The following TUSC3 variants were observed in gnomAD, a reference collection of about 807,000 sequenced individuals.
TUSC3 encodes the protein tumor suppressor candidate 3.
In TUSC3, 45 loss-of-function variants were observed where a neutral mutation model predicts 44.8. The observed-to-expected ratio is 1.00, with a 90% CI of 0.79 to 1.29. TUSC3 has a LOEUF of 1.29. TUSC3 is among the 50% of genes most tolerant of loss of function. The pLI is 0.00. For missense variants in TUSC3, 519 were observed against 437.9 expected (o/e 1.19, Z -1.65); for synonymous variants, 212 against 152.9 (o/e 1.39, Z -2.85).
At chr8:15,477,100 C>A in intron 1 of TUSC3, among the ~76,000 whole-genome samples, 1 of 152,158 alleles carries the variant, frequency 6.6e-6, no homozygotes, top group East Asian at 1.9e-4. Context: ...AAGTAGTCTT[C>A]AGTCCTTTTG....
chr8:15,550,890 T>G (rs1166061723), intron 1 of TUSC3, among the ~76,000 whole-genome samples: 2 of 151,744 alleles, frequency 1.3e-5, no homozygotes, highest in African/African-American at 4.8e-5. Context: ...CATGCTGGCC[T>G]TAAATTCCTA....
At chr8:15,447,998 T>C (rs1278069011) in intron 1 of TUSC3, among the ~76,000 whole-genome samples, 3 of 151,034 alleles carry the variant, frequency 2.0e-5, no homozygotes, top group African/African-American at 4.9e-5. Context: ...ACACTAGCAA[T>C]ATTTTAAGTA....
chr8:15,807,702 G>A, the TUSC3 span, among the ~76,000 whole-genome samples: 1 of 152,170 alleles, frequency 6.6e-6, no homozygotes, highest in Non-Finnish European at 1.5e-5. Flanking sequence ...ACAAAAGCAT[G>A]TCCTTTGCAG....
chr8:15,812,877 C>CTT, the TUSC3 span, among the ~76,000 whole-genome samples: 1 of 152,084 alleles, frequency 6.6e-6, no homozygotes, highest in East Asian at 1.9e-4. Flanking sequence ...GGGCAGATCA[C>CTT]AAGGTCAAGA....
intron 2 of TUSC3, among the ~76,000 whole-genome samples, chr8:15,504,644 A>G (rs1181657678): frequency 2.7e-5 from 1 of 37,418 alleles, no homozygotes; most frequent in East Asian, 7.7e-4. Context: ...TTTTTTTTTA[A>G]GTGGGTTTTT....
intron 2 of TUSC3, among the ~76,000 whole-genome samples, chr8:15,525,486 C>T (rs755558747): frequency 2.0e-5 from 3 of 152,162 alleles, no homozygotes; most frequent in South Asian, 2.1e-4. Context: ...CTTCAATGTT[C>T]TCAGTTTTAA....
In TUSC3 at chr8:15,423,082, TGTTAAAA is replaced by T. The variant is rs997373140; in HGVS notation, n.91+5781_91+5787del. On this transcript the variant is annotated intron_variant and non_coding_transcript_variant, in intron 1 of 5. Coordinates refer to the TUSC3 transcript ENST00000503191. Reference sequence around the variant, plus strand: ...TTTCTATCAAAACATGAGGTGGAAATGTTAAAAGTTTTTTTTAAGAAAAAAGTGTTTC... The same window carrying T: ...TTTCTATCAAAACATGAGGTGGAAATGTTTTTTTTAAGAAAAAAGTGTTTC... Among the ~76,000 whole-genome samples, 17 of 152,160 alleles carry T rather than the reference TGTTAAAA, an allele frequency of 1.1e-4. 1 individual carries two copies. Among genetic ancestry groups the T allele is most frequent in the African/African-American group, 3.9e-4 (16 of 41,432 alleles).
intron 1 of TUSC3, among the ~76,000 whole-genome samples, chr8:15,540,960 C>A (rs1015723962): frequency 4.6e-5 from 7 of 152,178 alleles, no homozygotes; most frequent in Admixed American, 3.3e-4. Flanking sequence ...ACTCTGCTCC[C>A]TTCATTACCC....
intron 1 of TUSC3, among the ~76,000 whole-genome samples, chr8:15,565,370 T>A: frequency 6.6e-6 from 1 of 152,180 alleles, no homozygotes; most frequent in East Asian, 1.9e-4. Context: ...CAGGATCATT[T>A]GTTTAGTCAC....
chr8:15,652,356 T>G (rs998765244), intron 3 of TUSC3, among the ~76,000 whole-genome samples: 1 of 152,184 alleles, frequency 6.6e-6, no homozygotes, highest in African/African-American at 2.4e-5. Flanking sequence ...TCTAGTTAAA[T>G]AAATTCTCTC....
chr8:15,803,953 T>C, the TUSC3 span, among the ~76,000 whole-genome samples: 2 of 152,226 alleles, frequency 1.3e-5, no homozygotes, highest in African/African-American at 4.8e-5. Flanking sequence ...CTATCATCGA[T>C]GGGCATTTGG....
At chr8:15,628,690 C>G (rs1165568891) in intron 2 of TUSC3, among the ~76,000 whole-genome samples, 2 of 152,164 alleles carry the variant, frequency 1.3e-5, no homozygotes, top group Middle Eastern at 3.2e-3. Flanking sequence ...AATGGAAAGG[C>G]TTAACTAATT....
At chr8:15,666,655 A>T (rs954645121) in intron 5 of TUSC3, among the ~76,000 whole-genome samples, 3 of 151,494 alleles carry the variant, frequency 2.0e-5, no homozygotes, top group African/African-American at 4.8e-5. Flanking sequence ...GAATAAAATT[A>T]TATAACTTTT....
At chr8:15,614,236 A>C (rs1804889788) in intron 1 of TUSC3, among the ~76,000 whole-genome samples, 1 of 152,066 alleles carries the variant, frequency 6.6e-6, no homozygotes, top group Admixed American at 6.6e-5. Flanking sequence ...CACTGAGTCT[A>C]GGCTGAGATG....
At chr8:15,607,801 TATTG>T (rs141086865) in intron 1 of TUSC3, among the ~76,000 whole-genome samples, 1,800 of 152,326 alleles carry the variant, frequency 0.012, 44 homozygotes, top group African/African-American at 0.042. Context: ...GTTAAATCTG[TATTG>T]ATTGACTATA....
At chr8:15,559,127 C>G (rs1344261288) in intron 1 of TUSC3, among the ~76,000 whole-genome samples, 1 of 144,472 alleles carries the variant, frequency 6.9e-6, no homozygotes, top group Non-Finnish European at 1.5e-5. Context: ...CCTGCTTTCT[C>G]TTGTGGGCAT....
At chr8:15,462,572 C>T (rs1264381421) in intron 1 of TUSC3, among the ~76,000 whole-genome samples, 1 of 152,042 alleles carries the variant, frequency 6.6e-6, no homozygotes, top group Non-Finnish European at 1.5e-5. Context: ...GGAAGCTTTC[C>T]TGCCTTAAAG....
chr8:15,494,386 C>T (rs374444985), intron 2 of TUSC3, among the ~76,000 whole-genome samples: 127 of 148,746 alleles, frequency 8.5e-4, no homozygotes, highest in African/African-American at 2.9e-3. Context: ...GGCGCGATCT[C>T]GGCTCACTGC....
chr8:15,845,124 A>C, the TUSC3 span, among the ~76,000 whole-genome samples: 105,626 of 151,992 alleles, frequency 0.69, 37,159 homozygotes, highest in African/African-American at 0.74. Context: ...ATCATAAGTT[A>C]GAACAAGAAG....
Sources: allele counts gnomAD v4.1 joint callset (sites outside exome capture counted in the v4.1 genomes callset), GRCh38; gene constraint gnomAD v4.1.1; transcripts MANE v1.5; gene names NCBI Gene and HGNC (gene_info 2026-07-23, HGNC 2026-07-21).